The following RUNX1 variants were observed in gnomAD, a reference collection of about 807,000 sequenced individuals.
RUNX1 encodes runt-related transcription factor 1.
A neutral mutation model predicts 42.8 loss-of-function variants in RUNX1; 19 were observed. That is an observed-to-expected ratio of 0.44 (90% CI 0.31 to 0.65). RUNX1 has a LOEUF of 0.65. Ranked by LOEUF, RUNX1 falls within the 30% of genes least tolerant of loss-of-function variation. RUNX1 has a pLI of 0.07. For synonymous variants in RUNX1, 271 were observed against 289.4 expected (o/e 0.94, Z 0.64); for missense variants, 528 against 672.0 (o/e 0.79, Z 2.37).
At chr21:34,823,182 G>T (rs59598414) in intron 7 of RUNX1, among the ~76,000 whole-genome samples, 1,955 of 152,354 alleles carry the variant, frequency 0.013, 40 homozygotes, top group African/African-American at 0.044. Context: ...CGCTGACTCA[G>T]CGAGGGCCTT....
At chr21:34,879,771 A>G (rs983501397) in intron 5 of RUNX1, among the ~76,000 whole-genome samples, 5 of 152,232 alleles carry the variant, frequency 3.3e-5, no homozygotes, top group African/African-American at 4.8e-5. Flanking sequence ...TAAAGAAAAC[A>G]TAATACTTGA....
At chr21:34,908,451 A>C (rs970179818) in intron 2 of RUNX1, among the ~76,000 whole-genome samples, 13 of 152,202 alleles carry the variant, frequency 8.5e-5, no homozygotes, top group African/African-American at 3.1e-4. Context: ...TATAAAACAT[A>C]GTCTTGGATG....
chr21:34,861,305 T>C (rs1320064571), intron 5 of RUNX1, among the ~76,000 whole-genome samples: 1 of 152,158 alleles, frequency 6.6e-6, no homozygotes, highest in Non-Finnish European at 1.5e-5. Flanking sequence ...TGATGTGATG[T>C]GGAGGAAGAT....
chr21:34,853,217 C>T (rs1601458012), intron 6 of RUNX1, among the ~76,000 whole-genome samples: 1 of 152,104 alleles, frequency 6.6e-6, no homozygotes, highest in Non-Finnish European at 1.5e-5. Context: ...CACCTGTGAC[C>T]AGCATGGCCA....
chr21:34,858,194 G>A (rs761174815), intron 6 of RUNX1, among the ~76,000 whole-genome samples: 9 of 152,344 alleles, frequency 5.9e-5, no homozygotes, highest in Non-Finnish European at 1.0e-4. Context: ...TGACCCAGAT[G>A]CCATGAGGTT....
chr21:34,926,461 CAAAAA>C (rs1188609077), intron 2 of RUNX1, among the ~76,000 whole-genome samples: 1 of 7,148 alleles, frequency 1.4e-4, no homozygotes, highest in African/African-American at 3.3e-4. Flanking sequence ...GACCCAGTCT[CAAAAA>C]AAAAAAAAAA....
Position 34,792,074 on chromosome 21 carries a change from C to T in RUNX1, c.*61G>A. ...CGGCGGGCTTGTCGCGAACAGGAGG[C>T]CCGCGCGCCCGGAGGCGAAGGCGGC... On this transcript the variant is annotated 3_prime_UTR_variant, in exon 9 of 9. Coordinates refer to ENST00000675419, the MANE Select transcript of RUNX1 (RefSeq NM_001754.5). The surrounding 1 kb of genome is among the most constrained non-coding windows in gnomAD (Gnocchi z 6.9). 1 of 1,073,676 alleles carries T rather than the reference C, an allele frequency of 9.3e-7. No individual in the cohort carries two copies. The highest frequency in any genetic ancestry group is 1.2e-6 in the Non-Finnish European group (1 of 822,986). 66.5% of individuals were successfully genotyped at this position (1,073,676 alleles called of 1,614,324 possible). A position where few individuals can be genotyped will look rare whatever the true frequency, so the allele number is the denominator to read the frequency against.
intron 3 of RUNX1, among the ~76,000 whole-genome samples, chr21:34,889,056 G>A (rs914267296): frequency 2.6e-5 from 4 of 151,276 alleles, no homozygotes; most frequent in Non-Finnish European, 5.9e-5. Context: ...GGCCCCGCCG[G>A]CCCGAGGAGG....
In RUNX1 at chr21:34,928,058, T is replaced by A. The variant is rs546046737; in HGVS notation, c.59-35095A>T. On this transcript the variant is annotated intron_variant, in intron 2 of 8. Transcript: ENST00000675419. ...AACTTCAATAAGCGGCCAGAATTAG[T>A]CATCACTATGGAGTGACAACATCCA... 3.3e-5 allele frequency among the ~76,000 whole-genome samples: 5 copies of A among 152,182 alleles called. No individual in the cohort carries two copies. The South Asian group carries it at 1.0e-3, about 31-fold the overall frequency.
chr21:34,869,413 T>G (rs1004552556), intron 5 of RUNX1, among the ~76,000 whole-genome samples: 2 of 152,226 alleles, frequency 1.3e-5, no homozygotes, highest in African/African-American at 4.8e-5. Flanking sequence ...TACATTATGC[T>G]ACTTTTCTAG....
At chr21:34,881,676 T>A (rs1422696296) in intron 4 of RUNX1, among the ~76,000 whole-genome samples, 1 of 152,240 alleles carries the variant, frequency 6.6e-6, no homozygotes, top group African/African-American at 2.4e-5. Context: ...AAGTATGAAG[T>A]CTTATCAGGG....
intron 7 of RUNX1, among the ~76,000 whole-genome samples, chr21:34,832,456 G>A (rs917400970): frequency 2.0e-5 from 3 of 152,106 alleles, no homozygotes; most frequent in Admixed American, 6.5e-5. Flanking sequence ...AAGACTTTTT[G>A]TTCCCATATC....
intron 2 of RUNX1, among the ~76,000 whole-genome samples, chr21:34,909,320 C>T (rs2058252274): frequency 2.0e-5 from 3 of 152,282 alleles, no homozygotes; most frequent in East Asian, 1.9e-4. Flanking sequence ...AAAATGCTTG[C>T]TCATATCACT....
At chr21:35,045,787 A>G (rs1276195794) in intron 2 of RUNX1, among the ~76,000 whole-genome samples, 1 of 152,304 alleles carries the variant, frequency 6.6e-6, no homozygotes, top group Admixed American at 6.5e-5. Flanking sequence ...AGAGAAGAAC[A>G]TACTTTATAC....
rs867689771 is a variant in RUNX1, at chr21:34,789,313, G to A, written c.*2822C>T. On this transcript the variant is annotated 3_prime_UTR_variant, in exon 9 of 9. Transcript: ENST00000675419. ...GTGGGGTTTGGAAGATAGAGGAAGA[G>A]AGAAAAAAAGGGAGATATTGGGGGG... The A allele has an allele frequency of 2.6e-5, 6 of 232,482 alleles. No individual in the cohort carries two copies. Among genetic ancestry groups the A allele is most frequent in the Middle Eastern group, 2.5e-3 (2 of 810 alleles). The allele number at this position is 232,482 out of a possible 1,614,324, so 14.4% of individuals were successfully genotyped here. A position where few individuals can be genotyped will look rare whatever the true frequency, so the allele number is the denominator to read the frequency against.
intron 2 of RUNX1, among the ~76,000 whole-genome samples, chr21:34,988,842 T>C (rs971084865): frequency 6.6e-6 from 1 of 152,186 alleles, no homozygotes; most frequent in African/African-American, 2.4e-5. Flanking sequence ...TGGTGGATTC[T>C]GATCCAGTAG....
At chr21:34,954,488 G>C (rs1031574418) in intron 2 of RUNX1, among the ~76,000 whole-genome samples, 10 of 152,106 alleles carry the variant, frequency 6.6e-5, no homozygotes, top group African/African-American at 2.2e-4. Flanking sequence ...GGAACTTCAG[G>C]AGCTTATGAC....
rs1234055010 is a variant in RUNX1 at position 34,788,355 on chromosome 21, C to A, written c.*3780G>T. The A allele has an allele frequency of 4.3e-6, 1 of 233,176 alleles. No homozygotes were observed. Among genetic ancestry groups the A allele is most frequent in the African/African-American group, 2.2e-5 (1 of 45,282 alleles). The allele number at this position is 233,176 out of a possible 1,614,324, so 14.4% of individuals were successfully genotyped here. ...AGAATAACACAAATAACCAACAGTT[C>A]TTTTTCTTTTTTTGCACATTCATTT... is the stretch of plus-strand genomic sequence containing the variant. On this transcript the variant is annotated 3_prime_UTR_variant, in exon 9 of 9. Transcript: ENST00000675419.
chr21:34,990,889 C>T (rs781754363), intron 2 of RUNX1, among the ~76,000 whole-genome samples: 7 of 152,176 alleles, frequency 4.6e-5, no homozygotes, highest in Non-Finnish European at 8.8e-5. Context: ...CCGTGCCCGG[C>T]TGGGGAATAA....
Sources: gnomAD v4.1 joint callset for allele counts (sites outside exome capture counted in the v4.1 genomes callset) on GRCh38, gnomAD v4.1.1 for gene constraint, Gnocchi (gnomAD v3.1) non-coding constraint, MANE v1.5 for transcripts, NCBI Gene and HGNC (gene_info 2026-07-23, HGNC 2026-07-21) for gene names.